Variants in ABCB4 observed in about 807,000 individuals in gnomAD.
ABCB4 encodes the protein ATP binding cassette subfamily B member 4, also known as phosphatidylcholine translocator ABCB4.
ABCB4 carries 76 observed loss-of-function variants against 145.7 expected under a neutral mutation model. The observed-to-expected ratio is 0.52, with a 90% CI of 0.43 to 0.63. The LOEUF is 0.63. ABCB4 is among the 30% of genes least tolerant of loss of function. ABCB4 has a pLI of 0.00. For missense variants in ABCB4, 1,234 were observed against 1,553.1 expected (o/e 0.79, Z 3.45); for synonymous variants, 517 against 566.8 (o/e 0.91, Z 1.25).
chr7:87,470,387 A>G (rs1309764188), intron 3 of ABCB4, among the ~76,000 whole-genome samples: 1 of 152,246 alleles, frequency 6.6e-6, no homozygotes, highest in African/African-American at 2.4e-5. Flanking sequence ...TAATTAAACT[A>G]AAGAGCTTCT....
chr7:87,440,523 TAGAA>T, intron 12 of ABCB4, 121 bp from the exon 13 acceptor site: 1 of 844,730 alleles, frequency 1.2e-6, no homozygotes, highest in Non-Finnish European at 1.8e-6. Flanking sequence ...AAATAATAAT[TAGAA>T]ATAAACAGCA....
chr7:87,463,471 T>C (rs1812606060), intron 3 of ABCB4, among the ~76,000 whole-genome samples: 1 of 152,182 alleles, frequency 6.6e-6, no homozygotes, highest in Admixed American at 6.5e-5. Flanking sequence ...CCTATGGAGA[T>C]CCTTATGCAG....
At chr7:87,419,854 G>A (rs1584700169) in intron 19 of ABCB4, 144 bp downstream of exon 19, 1 of 879,162 alleles carries the variant, frequency 1.1e-6, no homozygotes, top group Non-Finnish European at 1.9e-6. Context: ...GAAGGACCAG[G>A]ACAATTTGCA....
intron 3 of ABCB4, among the ~76,000 whole-genome samples, chr7:87,469,505 A>T (rs1813200706): frequency 6.6e-6 from 1 of 152,358 alleles, no homozygotes; most frequent in South Asian, 2.1e-4. Context: ...CCTTAAGCTG[A>T]TAAGCAACTT....
At chr7:87,429,914 T>TAA (rs58654815) in intron 15 of ABCB4, among the ~76,000 whole-genome samples, 10,169 of 139,178 alleles carry the variant, frequency 0.073, 367 homozygotes, top group South Asian at 0.14. Flanking sequence ...TTTTTTTTTT[T>TAA]AAAAAAAAAA....
chr7:87,446,062 G>A (rs535842247), intron 9 of ABCB4, among the ~76,000 whole-genome samples: 25 of 152,256 alleles, frequency 1.6e-4, no homozygotes, highest in Admixed American at 1.4e-3. Context: ...CTTCCAAACC[G>A]ACTGCCAGAG....
At chr7:87,395,084 G>A in the ABCB4 span, among the ~76,000 whole-genome samples, 1 of 152,128 alleles carries the variant, frequency 6.6e-6, no homozygotes, top group Non-Finnish European at 1.5e-5. Flanking sequence ...TATTTAAGAA[G>A]TATGTAAGAA....
chr7:87,437,629 T>C (rs529630287), intron 14 of ABCB4, among the ~76,000 whole-genome samples: 7 of 152,352 alleles, frequency 4.6e-5, no homozygotes, highest in Admixed American at 3.9e-4. Flanking sequence ...TTACATGCAG[T>C]ATCTTGGTTA....
At chr7:87,468,838 G>A (rs1813126369) in intron 3 of ABCB4, among the ~76,000 whole-genome samples, 2 of 152,032 alleles carry the variant, frequency 1.3e-5, no homozygotes, top group African/African-American at 4.8e-5. Context: ...GGCTGAGGCA[G>A]GAGAATGGCG....
At chr7:87,432,868 TTG>T in intron 14 of ABCB4, among the ~76,000 whole-genome samples, 1 of 152,198 alleles carries the variant, frequency 6.6e-6, no homozygotes, top group South Asian at 2.1e-4. Flanking sequence ...TGGCATGTGT[TTG>T]TATCTCAATT....
chr7:87,418,634 T>G lies in ABCB4; in HGVS notation c.2395-14A>C. ...CCAGCTCATGTCCTATGGCATAAAATACACGTTTATGTTAGTTCAAAATTA... is the reference window on the plus strand; with the variant it reads ...CCAGCTCATGTCCTATGGCATAAAAGACACGTTTATGTTAGTTCAAAATTA... On this transcript the variant is annotated splice_polypyrimidine_tract_variant and intron_variant, in intron 19 of 27. Coordinates refer to ENST00000649586, the MANE Select transcript of ABCB4 (RefSeq NM_000443.4). 6.2e-7 allele frequency: 1 copy of G among 1,610,632 alleles called. No individual in the cohort carries two copies. Among genetic ancestry groups the G allele is most frequent in the Non-Finnish European group, 8.5e-7 (1 of 1,176,850 alleles).
At chr7:87,370,281 C>G in the ABCB4 span, among the ~76,000 whole-genome samples, 2 of 152,130 alleles carry the variant, frequency 1.3e-5, no homozygotes, top group Admixed American at 1.3e-4. Context: ...ATTCCAGGTT[C>G]AAGTGATTCT....
chr7:87,405,215 C>T (rs1334581822), intron 26 of ABCB4, among the ~76,000 whole-genome samples: 1 of 152,186 alleles, frequency 6.6e-6, no homozygotes, highest in Non-Finnish European at 1.5e-5. Flanking sequence ...CACACAACTT[C>T]AGGGAATTAG....
intron 3 of ABCB4, among the ~76,000 whole-genome samples, chr7:87,468,138 T>C (rs937670960): frequency 3.9e-5 from 6 of 152,166 alleles, no homozygotes; most frequent in Non-Finnish European, 7.3e-5. Flanking sequence ...ACAAAATTGA[T>C]TGACTGCTAG....
chr7:87,373,357 A>T, the ABCB4 span, among the ~76,000 whole-genome samples: 1 of 152,118 alleles, frequency 6.6e-6, no homozygotes, highest in Non-Finnish European at 1.5e-5. Flanking sequence ...TTTGCAAATT[A>T]TATCTCCTAG....
chr7:87,453,017 GA>G lies in ABCB4; in HGVS notation c.462del (p.His155MetfsTer8). 6.2e-7 allele frequency: 1 copy of G among 1,614,014 alleles called. No individual in the cohort carries two copies. The highest frequency in any genetic ancestry group is 8.5e-7 in the Non-Finnish European group (1 of 1,180,014). On this transcript the variant is annotated frameshift_variant, in exon 6 of 28. Coordinates refer to ENST00000649586, the MANE Select transcript of ABCB4 (RefSeq NM_000443.4). LOFTEE classifies it high-confidence loss of function. ...CCTATTTCCTGTCGTAGAATAGCAT[GA>G]AAAAACTTCTGCCTAATTTTCCTGA... ...RQIRKIRQKF[F>X]HAILRQEIGW...
Position 87,443,323 on chromosome 7 carries a change from C to T in ABCB4, c.1352G>A (p.Gly451Asp). 1 of 1,614,014 alleles carries T rather than the reference C, an allele frequency of 6.2e-7. No individual in the cohort carries two copies. The highest frequency in any genetic ancestry group is 8.5e-7 in the Non-Finnish European group (1 of 1,179,962). The change falls in exon 12 of 28, where the codon GGC becomes GAC. Residue 451 changes from glycine (G) to aspartate (D), a missense_variant. Transcript: ENST00000649586. Reference sequence around the variant, plus strand: ...AGCTTGGTTCTTCCCACTTACTGTGCCCTCATCAGGGTCATAGAGCCTCTG... The same window carrying T: ...AGCTTGGTTCTTCCCACTTACTGTGTCCTCATCAGGGTCATAGAGCCTCTG... ...LIQRLYDPDE[G>D]TINIDGQDIR...
the ABCB4 span, among the ~76,000 whole-genome samples, chr7:87,390,869 T>A: frequency 5.9e-5 from 9 of 152,192 alleles, no homozygotes; most frequent in African/African-American, 1.7e-4. Context: ...ATTTTGTGGG[T>A]CAGTAATTTT....
At chr7:87,475,529 G>T in intron 1 of ABCB4, 58 bp from the exon 2 acceptor site, 3 of 1,552,208 alleles carry the variant, frequency 1.9e-6, no homozygotes, top group Non-Finnish European at 2.7e-6. Flanking sequence ...CCCGGCGCAC[G>T]AGTCGCGGGG....
Sources: gnomAD v4.1 joint callset for allele counts (sites outside exome capture counted in the v4.1 genomes callset) on GRCh38, gnomAD v4.1.1 for gene constraint, MANE v1.5 for transcripts, NCBI Gene and HGNC (gene_info 2026-07-23, HGNC 2026-07-21) for gene names.